GPATCH2: variants seen among roughly 807,000 people sequenced by gnomAD.
The protein encoded by GPATCH2 is G-patch domain containing 2.
A neutral mutation model predicts 58.0 loss-of-function variants in GPATCH2; 51 were observed. The ratio of observed to expected loss-of-function variants is 0.88; its 90% CI spans 0.70 to 1.11. The LOEUF (loss-of-function observed/expected upper bound fraction) is 1.11. GPATCH2 is among the 50% of genes most tolerant of loss of function. The pLI is 0.00. For missense variants in GPATCH2, 625 were observed against 652.2 expected (o/e 0.96, Z 0.45); for synonymous variants, 222 against 218.5 (o/e 1.02, Z -0.14).
chr1:217,568,869 A>T (rs1048965646), intron 5 of GPATCH2, among the ~76,000 whole-genome samples: 3 of 152,170 alleles, frequency 2.0e-5, no homozygotes, highest in Non-Finnish European at 4.4e-5. Flanking sequence ...GACCGTAGAG[A>T]GCAAAGGCAA....
chr1:217,433,380 ATATATT>A (rs1428930346), intron 9 of GPATCH2, among the ~76,000 whole-genome samples: 885 of 50,992 alleles, frequency 0.017, 9 homozygotes, highest in African/African-American at 0.081. Context: ...ATATATATAT[ATATATT>A]TATTTATTTA....
In GPATCH2 at chr1:217,550,643, A is replaced by T. The variant is rs1351666153; in HGVS notation, c.1099-35754T>A. Among the ~76,000 whole-genome samples, 10 of 152,180 alleles carry T rather than the reference A, an allele frequency of 6.6e-5. No individual in the cohort carries two copies. In the South Asian group the frequency reaches 2.1e-3, roughly 31 times the overall value. On this transcript the variant is annotated intron_variant, in intron 5 of 9. Coordinates refer to ENST00000366935, the MANE Select transcript of GPATCH2 (RefSeq NM_018040.5). ...TTGACAAAATAAAAAATGTTTAATA[A>T]CTTGCTTCAATAACAGAAACCCATA... is the stretch of plus-strand genomic sequence containing the variant.
Position 217,427,705 on chromosome 1 carries a change from T to G in GPATCH2, c.*3440A>C, listed in dbSNP as rs1235616860. 1 of 152,192 alleles carries G rather than the reference T, an allele frequency of 6.6e-6. No homozygotes were observed. The highest frequency in any genetic ancestry group is 6.5e-5 in the Admixed American group (1 of 15,284). The allele number at this position is 152,192 out of a possible 1,614,324, so 9.4% of individuals were successfully genotyped here. On this transcript the variant is annotated 3_prime_UTR_variant, in exon 10 of 10. Coordinates refer to ENST00000366935, the MANE Select transcript of GPATCH2 (RefSeq NM_018040.5). ...CAGGTGAAAACAGTTTTAAAAAGCATGTCAACAGTGATTTTTTCTCTTTTC... is the reference window on the plus strand; with the variant it reads ...CAGGTGAAAACAGTTTTAAAAAGCAGGTCAACAGTGATTTTTTCTCTTTTC...
chr1:217,531,017 G>A (rs1019695360), intron 5 of GPATCH2, among the ~76,000 whole-genome samples: 15 of 151,334 alleles, frequency 9.9e-5, no homozygotes, highest in Non-Finnish European at 1.5e-4. Context: ...TAAAGGGAAC[G>A]CACCTCCTCC....
intron 5 of GPATCH2, among the ~76,000 whole-genome samples, chr1:217,564,277 G>C (rs1419351218): frequency 6.6e-6 from 1 of 152,112 alleles, no homozygotes; most frequent in Non-Finnish European, 1.5e-5. Flanking sequence ...TCACCTTGCA[G>C]CTCAATTAGC....
rs571480929 is a variant in GPATCH2 at position 217,591,766 on chromosome 1, T to C, written c.1098+18555A>G. On this transcript the variant is annotated intron_variant, in intron 5 of 9. Coordinates refer to ENST00000366935, the MANE Select transcript of GPATCH2 (RefSeq NM_018040.5). ...TAGAAGAAATCACCGAAATCTATTATCAGTATTTTAAAAGAAAGGCATAAG... is the reference window on the plus strand; with the variant it reads ...TAGAAGAAATCACCGAAATCTATTACCAGTATTTTAAAAGAAAGGCATAAG... Among the ~76,000 whole-genome samples, 32 of 152,180 alleles carry C rather than the reference T, an allele frequency of 2.1e-4. 1 individual carries two copies. The highest frequency in any genetic ancestry group is 6.8e-3 in the Middle Eastern group (2 of 294).
At chr1:217,607,262 G>A (rs747226491) in intron 5 of GPATCH2, among the ~76,000 whole-genome samples, 4 of 152,094 alleles carry the variant, frequency 2.6e-5, no homozygotes, top group East Asian at 3.9e-4. Flanking sequence ...CGACATACAC[G>A]TGCATTCCTA....
At chr1:217,547,386 G>A (rs897974150) in intron 5 of GPATCH2, among the ~76,000 whole-genome samples, 2 of 151,730 alleles carry the variant, frequency 1.3e-5, no homozygotes, top group Admixed American at 6.6e-5. Flanking sequence ...ACGCCGGCAA[G>A]GTTGTAAAGA....
At chr1:217,490,669 T>G (rs902094350) in intron 8 of GPATCH2, among the ~76,000 whole-genome samples, 1 of 152,242 alleles carries the variant, frequency 6.6e-6, no homozygotes. Context: ...TCACTTCTTA[T>G]TGATTCATTT....
intron 1 of GPATCH2, 45 bp from the exon 2 acceptor site, chr1:217,620,544 CA>C: frequency 1.9e-6 from 2 of 1,073,410 alleles, no homozygotes; most frequent in South Asian, 1.5e-5. Context: ...CAGTCTTAAC[CA>C]CAGTAACCTC....
At chr1:217,610,733 T>C (rs1668582398) in intron 4 of GPATCH2, among the ~76,000 whole-genome samples, 156 bp downstream of exon 4, 1 of 152,214 alleles carries the variant, frequency 6.6e-6, no homozygotes, top group South Asian at 2.1e-4. Flanking sequence ...TTTGAAAGCA[T>C]GATAAATGTA....
At chr1:217,611,426 G>C (rs992269340) in intron 3 of GPATCH2, among the ~76,000 whole-genome samples, 2 of 151,996 alleles carry the variant, frequency 1.3e-5, no homozygotes, top group Non-Finnish European at 2.9e-5. Context: ...TCTAAGAACT[G>C]CCAGCAACAA....
intron 5 of GPATCH2, among the ~76,000 whole-genome samples, chr1:217,521,608 C>T (rs1047137453): frequency 2.6e-5 from 4 of 151,732 alleles, no homozygotes; most frequent in African/African-American, 7.3e-5. Context: ...CAAACGGCTC[C>T]CCTACTAATC....
rs900489331 is a variant in GPATCH2 at position 217,630,954 on chromosome 1, C to T, written c.18G>A (p.Gly6=). ...CTGCTGGAGCTCCGATCGGTTGGCG[C>T]CCGGCGGCCCCGAACATTAACGACA... MFGAA[G]RQPIGAPAAG... Residue 6 remains glycine, a synonymous_variant, in exon 1 of 10, where the codon GGG becomes GGA. Transcript: ENST00000366935. The T allele has an allele frequency of 3.8e-5, 60 of 1,587,872 alleles. No homozygotes were observed. The highest frequency in any genetic ancestry group is 4.9e-5 in the Non-Finnish European group (57 of 1,172,368).
intron 5 of GPATCH2, among the ~76,000 whole-genome samples, chr1:217,572,180 C>T (rs1346176422): frequency 6.6e-6 from 1 of 152,026 alleles, no homozygotes; most frequent in African/African-American, 2.4e-5. Context: ...GGCAAAAAGA[C>T]TGAGGCTTAG....
At chr1:217,621,343 C>T (rs1000355192) in intron 1 of GPATCH2, among the ~76,000 whole-genome samples, 2 of 152,106 alleles carry the variant, frequency 1.3e-5, no homozygotes, top group African/African-American at 4.8e-5. Context: ...ATTTTTTAAA[C>T]ATCACAGGCA....
At chr1:217,436,849 T>C (rs900146221) in intron 9 of GPATCH2, among the ~76,000 whole-genome samples, 3 of 152,162 alleles carry the variant, frequency 2.0e-5, no homozygotes, top group Non-Finnish European at 4.4e-5. Context: ...ACTTAGGACA[T>C]TTGATCCCAA....
Position 217,428,641 on chromosome 1 carries a change from T to C in GPATCH2, c.*2504A>G, listed in dbSNP as rs1658408473. 1 of 152,168 alleles carries C rather than the reference T, an allele frequency of 6.6e-6. No homozygotes were observed. Among genetic ancestry groups the C allele is most frequent in the African/African-American group, 2.4e-5 (1 of 41,452 alleles). 9.4% of individuals were successfully genotyped at this position (152,168 alleles called of 1,614,324 possible). On this transcript the variant is annotated 3_prime_UTR_variant, in exon 10 of 10. Coordinates refer to ENST00000366935, the MANE Select transcript of GPATCH2 (RefSeq NM_018040.5). ...TGATTCACATATACTGTAGAGTACA[T>C]ATATTCTGTACAATTAAACACTTCA...
At chr1:217,617,372 T>C (rs1376325480) in intron 2 of GPATCH2, among the ~76,000 whole-genome samples, 1 of 152,212 alleles carries the variant, frequency 6.6e-6, no homozygotes, top group Non-Finnish European at 1.5e-5. Flanking sequence ...TAGCAAGTCT[T>C]CCCTCACTAA....
Sources: allele counts gnomAD v4.1 joint callset (sites outside exome capture counted in the v4.1 genomes callset), GRCh38; gene constraint gnomAD v4.1.1; transcripts MANE v1.5; gene names NCBI Gene and HGNC (gene_info 2026-07-23, HGNC 2026-07-21).